The following SORCS3 variants were observed in gnomAD, a reference collection of about 807,000 sequenced individuals.
SORCS3 encodes sortilin related VPS10 domain containing receptor 3.
SORCS3 carries 57 observed loss-of-function variants against 146.3 expected under a neutral mutation model. The observed-to-expected ratio is 0.39, with a 90% confidence interval of 0.31 to 0.49. The LOEUF (loss-of-function observed/expected upper bound fraction) is 0.49, where lower values mean the gene tolerates loss of function less well. Ranked by LOEUF, SORCS3 falls within the 20% of genes least tolerant of loss-of-function variation. SORCS3 has a pLI of 0.92. For missense variants in SORCS3, 1,341 were observed against 1,575.5 expected, an observed-to-expected ratio of 0.85 and a Z score of 2.52; for synonymous variants, 653 against 618.5, an observed-to-expected ratio of 1.06 and a Z score of -0.83.
intron 8 of SORCS3, among the ~76,000 whole-genome samples, chr10:105,140,447 T>C (rs1283493334): frequency 2.0e-5 from 3 of 152,144 alleles, no homozygotes; most frequent in African/African-American, 7.2e-5. Context: ...ATGGTCCCTG[T>C]CTTCATGGAT....
chr10:104,894,139 C>G (rs117839582), intron 2 of SORCS3, among the ~76,000 whole-genome samples: 13 of 152,294 alleles, frequency 8.5e-5, no homozygotes, highest in Non-Finnish European at 1.9e-4. Flanking sequence ...CTTCTCTCCA[C>G]CCTTTGCTTT....
At chr10:104,736,414 G>A (rs575037450) in intron 1 of SORCS3, among the ~76,000 whole-genome samples, 84 of 152,316 alleles carry the variant, frequency 5.5e-4, no homozygotes, top group African/African-American at 1.9e-3. Flanking sequence ...CAAGTGGAAA[G>A]AACACATTCC....
intron 1 of SORCS3, among the ~76,000 whole-genome samples, chr10:104,775,593 G>A (rs144770304): frequency 7.6e-4 from 116 of 152,268 alleles, no homozygotes; most frequent in African/African-American, 2.2e-3. Context: ...TGACAATCAG[G>A]ACAGAAAAAT....
chr10:104,846,217 G>A (rs1007126485), intron 2 of SORCS3, among the ~76,000 whole-genome samples: 1 of 152,104 alleles, frequency 6.6e-6, no homozygotes, highest in East Asian at 1.9e-4. Flanking sequence ...GGGGTTTCCC[G>A]GTTTGCTGGG....
intron 1 of SORCS3, among the ~76,000 whole-genome samples, chr10:104,785,839 T>G (rs949154283): frequency 2.0e-5 from 3 of 152,318 alleles, no homozygotes; most frequent in Admixed American, 2.0e-4. Context: ...CATGGATCCC[T>G]TTGAGAATCT....
At chr10:105,016,438 T>G (rs1036057490) in intron 4 of SORCS3, among the ~76,000 whole-genome samples, 1 of 151,906 alleles carries the variant, frequency 6.6e-6, no homozygotes, top group African/African-American at 2.4e-5. Context: ...TGTGAGCCAC[T>G]GTGCCTGGCC....
chr10:105,129,523 A>G (rs1408768727), intron 7 of SORCS3, among the ~76,000 whole-genome samples: 6 of 151,772 alleles, frequency 4.0e-5, no homozygotes, highest in African/African-American at 1.2e-4. Context: ...TATAACACTG[A>G]AAGTATTAGC....
intron 3 of SORCS3, among the ~76,000 whole-genome samples, chr10:104,973,942 T>C (rs1490039841): frequency 1.3e-5 from 2 of 152,168 alleles, no homozygotes; most frequent in Non-Finnish European, 2.9e-5. Flanking sequence ...TCTGCCTTCA[T>C]TTCATTACGT....
At chr10:105,242,340 A>G (rs1390946337) in intron 20 of SORCS3, among the ~76,000 whole-genome samples, 1 of 128,634 alleles carries the variant, frequency 7.8e-6, no homozygotes, top group African/African-American at 3.0e-5. Flanking sequence ...ATATTTATAT[A>G]TATATTTATA....
intron 25 of SORCS3, among the ~76,000 whole-genome samples, chr10:105,257,369 C>G (rs1351011242): frequency 6.6e-6 from 1 of 152,140 alleles, no homozygotes; most frequent in African/African-American, 2.4e-5. Flanking sequence ...TGCAGCTATT[C>G]AGCATCTCTC....
In SORCS3 at chr10:104,696,103, A is replaced by G. The variant is rs1391824558; in HGVS notation, c.627+54149A>G. Among the ~76,000 whole-genome samples, 3 of 117,824 alleles carry G rather than the reference A, an allele frequency of 2.5e-5. 1 individual carries two copies. Among genetic ancestry groups the G allele is most frequent in the African/African-American group, 1.0e-4 (3 of 29,628 alleles). The allele number at this position is 117,824 out of a possible 152,430, so 77.3% of individuals were successfully genotyped here. ...CATATACACATATATAATATATCAT[A>G]TACACATATTATATATAATATATAT... On this transcript the variant is annotated intron_variant, in intron 1 of 26. Transcript: ENST00000369701.
rs2056973977 is a variant in SORCS3 at position 105,263,499 on chromosome 10, T to C, written c.*125T>C. ...TGTTTACCAAGGGCCCCTTCATAAA[T>C]AGCAGGCAAATGCCTAGCTTTGGGA... On this transcript the variant is annotated 3_prime_UTR_variant, in exon 27 of 27. Transcript: ENST00000369701. 1.1e-6 allele frequency: 1 copy of C among 876,668 alleles called. No individual in the cohort carries two copies. The highest frequency in any genetic ancestry group is 2.3e-5 in the Admixed American group (1 of 43,532). The allele number at this position is 876,668 out of a possible 1,614,324, so 54.3% of individuals were successfully genotyped here.
Position 104,962,974 on chromosome 10 carries a change from T to C in SORCS3, c.796-14361T>C, listed in dbSNP as rs561637822. Among the ~76,000 whole-genome samples, 177 of 152,354 alleles carry C rather than the reference T, an allele frequency of 1.2e-3. 5 individuals carry two copies. The South Asian group carries it at 0.035, about 30-fold the overall frequency. ...GCATTTCATGCACTGTTTAAATATA[T>C]GGTTGTTTTTCATATGTCATAAAAG... On this transcript the variant is annotated intron_variant, in intron 3 of 26. Transcript: ENST00000369701.
At chr10:105,201,081 T>TG (rs2056571735) in intron 15 of SORCS3, 39 bp from the exon 16 acceptor site, 1 of 1,599,520 alleles carries the variant, frequency 6.3e-7, no homozygotes, top group Non-Finnish European at 8.5e-7. Flanking sequence ...ACCACCTTTT[T>TG]GTTTTTCTGT....
chr10:104,730,320 G>A lies in SORCS3; in HGVS notation c.627+88366G>A, dbSNP rs139412798. On this transcript the variant is annotated intron_variant, in intron 1 of 26. Coordinates refer to ENST00000369701, the MANE Select transcript of SORCS3 (RefSeq NM_014978.3). ...GGAATATGTGCCACAGCTAATCAGGGACACAGCTGGGACCAGAACCTGATC... is the reference window on the plus strand; with the variant it reads ...GGAATATGTGCCACAGCTAATCAGGAACACAGCTGGGACCAGAACCTGATC... 7.6e-3 allele frequency among the ~76,000 whole-genome samples: 1,154 copies of A among 151,616 alleles called. 14 individuals are homozygous for A. Among genetic ancestry groups the A allele is most frequent in the Non-Finnish European group, 0.012 (797 of 67,980 alleles).
intron 2 of SORCS3, among the ~76,000 whole-genome samples, chr10:104,874,180 A>C (rs2018546926): frequency 6.6e-6 from 1 of 152,130 alleles, no homozygotes; most frequent in South Asian, 2.1e-4. Flanking sequence ...TCTTTGTTTA[A>C]GAGGATTTGG....
intron 1 of SORCS3, among the ~76,000 whole-genome samples, chr10:104,642,487 G>T (rs1332668809): frequency 6.6e-6 from 1 of 151,130 alleles, no homozygotes; most frequent in Non-Finnish European, 1.5e-5. Context: ...CTCCAGGCGC[G>T]CAGTCCTCCA....
intron 4 of SORCS3, among the ~76,000 whole-genome samples, chr10:104,978,019 C>T (rs925593012): frequency 3.3e-5 from 5 of 152,018 alleles, no homozygotes; most frequent in South Asian, 2.1e-4. Context: ...CGTGAGTCAC[C>T]GTATTTCACA....
At chr10:105,189,107 T>G (rs1429552141) in intron 14 of SORCS3, among the ~76,000 whole-genome samples, 2 of 152,214 alleles carry the variant, frequency 1.3e-5, no homozygotes, top group Non-Finnish European at 2.9e-5. Context: ...CCTGGACCAA[T>G]GTGAGAATTT....
Sources: allele counts gnomAD v4.1 joint callset (sites outside exome capture counted in the v4.1 genomes callset), GRCh38; gene constraint gnomAD v4.1.1; transcripts MANE v1.5; gene names NCBI Gene and HGNC (gene_info 2026-07-23, HGNC 2026-07-21).